Variants in ASTL observed in about 807,000 individuals in gnomAD.
ASTL encodes the protein astacin-like metalloendopeptidase.
A neutral mutation model predicts 36.7 loss-of-function variants in ASTL; 27 were observed. The ratio of observed to expected loss-of-function variants is 0.73; its 90% CI spans 0.54 to 1.01. The LOEUF is 1.01. ASTL is among the 50% of genes least tolerant of loss of function. ASTL has a pLI of 0.00. For synonymous variants in ASTL, 222 were observed against 228.1 expected (o/e 0.97, Z 0.24); for missense variants, 524 against 572.8 (o/e 0.91, Z 0.87).
In ASTL at chr2:96,130,017, C is replaced by A. The variant is rs372811446; in HGVS notation, c.720-39G>T. ...GGAGACCCCTGAGTCCAGATCACCACGGGAGAGGCTGGGGGAAGCAGAGGG... is the reference window on the plus strand; with the variant it reads ...GGAGACCCCTGAGTCCAGATCACCAAGGGAGAGGCTGGGGGAAGCAGAGGG... On this transcript the variant is annotated intron_variant, in intron 7 of 8. Transcript: ENST00000342380. 2.5e-6 allele frequency: 4 copies of A among 1,613,102 alleles called. No individual in the cohort carries two copies. In the East Asian group the frequency reaches 8.9e-5, roughly 36 times the overall value.
At chr2:96,126,852 T>C (rs918159496) in intron 8 of ASTL, among the ~76,000 whole-genome samples, 7 of 147,756 alleles carry the variant, frequency 4.7e-5, no homozygotes, top group African/African-American at 1.7e-4. Context: ...TGAGACTCCA[T>C]CTCAAAAAAA....
rs78275861 is a variant in ASTL, at chr2:96,132,712, C to G, written c.465G>C (p.Ser155=). ...ISIIPMYGCF[S]SVGRSGGMQV... ...GCATCCCTCCACTGCGCCCCACACT[C>G]GAGAAGCACCTGCAGGGTGATGAGA... is the stretch of plus-strand genomic sequence containing the variant. Residue 155 remains serine, a synonymous_variant, in exon 6 of 9, where the codon TCG becomes TCC. Coordinates refer to ENST00000342380, the MANE Select transcript of ASTL (RefSeq NM_001002036.4). The surrounding 1 kb of genome is among the most constrained non-coding windows in gnomAD (Gnocchi z 5.4). 5 of 1,609,316 alleles carry G rather than the reference C, an allele frequency of 3.1e-6. No individual in the cohort carries two copies. Among genetic ancestry groups the G allele is most frequent in the Non-Finnish European group, 4.2e-6 (5 of 1,176,638 alleles).
Position 96,132,982 on chromosome 2 carries a change from A to C in ASTL, c.456-261T>G, listed in dbSNP as rs143267138. ...CTGATATATGAACACAGAGGACAGA[A>C]GCAGCTTACTAAGTGAGCACACCCT... is the stretch of plus-strand genomic sequence containing the variant. On this transcript the variant is annotated intron_variant, in intron 5 of 8. Coordinates refer to ENST00000342380, the MANE Select transcript of ASTL (RefSeq NM_001002036.4). This position sits in a 1 kb window ranked among gnomAD's most constrained non-coding sequence, Gnocchi z 5.4. 0.012 allele frequency among the ~76,000 whole-genome samples: 1,836 copies of C among 152,304 alleles called. 22 individuals carry two copies. The highest frequency in any genetic ancestry group is 0.026 in the South Asian group (126 of 4,828).
chr2:96,135,207 G>T, intron 3 of ASTL, 144 bp downstream of exon 3: 1 of 624,374 alleles, frequency 1.6e-6, no homozygotes, highest in Non-Finnish European at 2.9e-6. Flanking sequence ...CAGAACAGTC[G>T]CTCTGACCTT....
At chr2:96,138,538 T>C, upstream of ASTL, 7 of 999,842 alleles carry the variant, frequency 7.0e-6, no homozygotes, top group Non-Finnish European at 7.7e-6. Context: ...AAATAGCAGC[T>C]GCTCCACCTC....
intron 1 of ASTL, among the ~76,000 whole-genome samples, chr2:96,138,070 T>C (rs1682342085): frequency 1.3e-5 from 2 of 152,152 alleles, no homozygotes; most frequent in African/African-American, 4.8e-5. Context: ...TCTTGGACAA[T>C]GGGCTCAGCC....
chr2:96,136,119 T>C (rs1682294570), intron 2 of ASTL, among the ~76,000 whole-genome samples: 1 of 152,176 alleles, frequency 6.6e-6, no homozygotes, highest in African/African-American at 2.4e-5. Flanking sequence ...CTCCCACAAG[T>C]GACTCACAGG....
chr2:96,125,343 C>T (rs1388735401), intron 8 of ASTL, among the ~76,000 whole-genome samples: 1 of 152,168 alleles, frequency 6.6e-6, no homozygotes, highest in African/African-American at 2.4e-5. Context: ...GTGGCCTCAC[C>T]TCTCCTTATG....
At chr2:96,136,651 T>C (rs1383768872) in intron 2 of ASTL, among the ~76,000 whole-genome samples, 1 of 152,160 alleles carries the variant, frequency 6.6e-6, no homozygotes, top group African/African-American at 2.4e-5. Flanking sequence ...ACACAGTGGC[T>C]ACCACATCTG....
chr2:96,130,201 G>A (rs1028124334), intron 6 of ASTL, 56 bp from the exon 7 acceptor site: 6 of 1,426,692 alleles, frequency 4.2e-6, no homozygotes, highest in Non-Finnish European at 5.9e-6. Context: ...AGGCAAGAAA[G>A]GGCAGGCAAT....
chr2:96,133,172 C>T (rs950716391), intron 5 of ASTL, among the ~76,000 whole-genome samples: 1 of 152,222 alleles, frequency 6.6e-6, no homozygotes, highest in East Asian at 1.9e-4. Context: ...CCCCGCAAAA[C>T]CTCCTCTCCT....
In ASTL at chr2:96,133,426, C is replaced by T. The variant is rs762760157; in HGVS notation, c.454G>A (p.Gly152Arg). 1.9e-6 allele frequency: 3 copies of T among 1,593,374 alleles called. No homozygotes were observed. The highest frequency in any genetic ancestry group is 2.6e-6 in the Non-Finnish European group (3 of 1,161,118). ...ACGCATCCTGGCCCCGGCACTTACC[C>T]ATACATGGGGATGATGGAAATGAAG... Reference protein sequence around the residue: ...RDFISIIPMYGCFSSVGRSGG... With the variant: ...RDFISIIPMYRCFSSVGRSGG... Residue 152 changes from glycine to arginine, a missense_variant and splice_region_variant, in exon 5 of 9, where the codon GGG becomes AGG. By Grantham distance (125) the Gly-to-Arg change is moderately radical (BLOSUM62 -2). Coordinates refer to ENST00000342380, the MANE Select transcript of ASTL (RefSeq NM_001002036.4).
chr2:96,137,560 A>T lies in ASTL; in HGVS notation c.181+15T>A, dbSNP rs768150239. 1.2e-6 allele frequency: 2 copies of T among 1,611,566 alleles called. No homozygotes were observed. The highest frequency in any genetic ancestry group is 1.7e-6 in the Non-Finnish European group (2 of 1,177,982). On this transcript the variant is annotated intron_variant, in intron 2 of 8. Coordinates refer to ENST00000342380, the MANE Select transcript of ASTL (RefSeq NM_001002036.4). ...TCGTGCCCCTCCAGGCCGTGAGAAG[A>T]TGTAGTGCCCTCACCTTGGTTAATT...
Position 96,132,763 on chromosome 2 carries a change from A to G in ASTL, c.456-42T>C, listed in dbSNP as rs375060410. 1 of 1,566,676 alleles carries G rather than the reference A, an allele frequency of 6.4e-7. No homozygotes were observed. Among genetic ancestry groups the G allele is most frequent in the Non-Finnish European group, 8.7e-7 (1 of 1,146,240 alleles). On this transcript the variant is annotated intron_variant, in intron 5 of 8. Transcript: ENST00000342380. This position sits in a 1 kb window ranked among gnomAD's most constrained non-coding sequence, Gnocchi z 5.4. ...GCAAGTGGGGTAAGTGCCAGCCCAG[A>G]TCCCTCCGGACATACAGACCTGGGC... is the stretch of plus-strand genomic sequence containing the variant.
In ASTL at chr2:96,125,635, C is replaced by T. The variant is rs180804712; in HGVS notation, c.875-1364G>A. ...CTCCCAATTCCCTAGTCATGGTAGT[C>T]AAACCTCTAGAAAAATTGCATACAA... On this transcript the variant is annotated intron_variant, in intron 8 of 8. Coordinates refer to ENST00000342380, the MANE Select transcript of ASTL (RefSeq NM_001002036.4). 2.0e-3 allele frequency among the ~76,000 whole-genome samples: 309 copies of T among 152,274 alleles called. 1 individual carries two copies. The highest frequency in any genetic ancestry group is 2.9e-3 in the Non-Finnish European group (198 of 68,012).
intron 5 of ASTL, among the ~76,000 whole-genome samples, chr2:96,133,166 G>A (rs189757980): frequency 9.8e-5 from 15 of 152,302 alleles, no homozygotes; most frequent in Admixed American, 3.3e-4. Flanking sequence ...TGTCTGCCCC[G>A]CAAAACCTCC....
At chr2:96,127,285 G>A (rs56088823) in intron 8 of ASTL, among the ~76,000 whole-genome samples, 19,237 of 152,224 alleles carry the variant, frequency 0.13, 1,513 homozygotes, top group Middle Eastern at 0.26. Flanking sequence ...TGACCTAGGA[G>A]TAGAATCTGG....
intron 2 of ASTL, among the ~76,000 whole-genome samples, chr2:96,137,229 C>T (rs963378972): frequency 9.9e-5 from 15 of 152,236 alleles, no homozygotes; most frequent in Admixed American, 1.3e-4. Context: ...CTTAGCTCCA[C>T]GCCCAGGCCC....
rs780810636 is a variant in ASTL at position 96,124,202 on chromosome 2, G to A, written c.944C>T (p.Ala315Val). 2.0e-6 allele frequency: 3 copies of A among 1,524,298 alleles called. No homozygotes were observed. The South Asian group carries it at 4.0e-5, about 20-fold the overall frequency. The allele number at this position is 1,524,298 out of a possible 1,614,324, so 94.4% of individuals were successfully genotyped here. Residue 315 changes from alanine (A) to valine (V), a missense_variant, in exon 9 of 9, where the codon GCA becomes GTA. Coordinates refer to ENST00000342380, the MANE Select transcript of ASTL (RefSeq NM_001002036.4). This position sits in a 1 kb window ranked among gnomAD's most constrained non-coding sequence, Gnocchi z 4.1. ...GGGGCTCCTGGATTCCGCCGACAGT[G>A]CCTCCAAAAGCCGCTGCAGAGATAG... ...ASLSLQRLLE[A>V]LSAESRSPDP...
Sources: gnomAD v4.1 joint callset for allele counts (sites outside exome capture counted in the v4.1 genomes callset) on GRCh38, gnomAD v4.1.1 for gene constraint, Gnocchi (gnomAD v3.1) non-coding constraint, MANE v1.5 for transcripts, NCBI Gene and HGNC (gene_info 2026-07-23, HGNC 2026-07-21) for gene names.